The following OXR1 variants were observed in gnomAD, a reference collection of about 807,000 sequenced individuals.
The protein encoded by OXR1 is oxidation resistance protein 1.
OXR1 carries 41 observed loss-of-function variants against 104.6 expected under a neutral mutation model. The observed-to-expected ratio is 0.39, with a 90% CI of 0.31 to 0.51. The LOEUF is 0.51. OXR1 is among the 20% of genes least tolerant of loss of function. The pLI is 0.77. For synonymous variants in OXR1, 348 were observed against 348.4 expected (o/e 1.00, Z 0.01); for missense variants, 955 against 1,031.9 (o/e 0.93, Z 1.02).
intron 4 of OXR1, among the ~76,000 whole-genome samples, chr8:106,682,172 A>T (rs559607305): frequency 6.6e-6 from 1 of 152,224 alleles, no homozygotes; most frequent in South Asian, 2.1e-4. Flanking sequence ...TCTTTTGCAT[A>T]ACCTTTTCTA....
chr8:106,707,192 G>A, intron 9 of OXR1, 47 bp downstream of exon 9: 1 of 1,563,292 alleles, frequency 6.4e-7, no homozygotes, highest in Non-Finnish European at 8.8e-7. Flanking sequence ...ATTGTATGGT[G>A]TCTCCGTCTT....
chr8:106,586,929 A>G (rs965994253), intron 3 of OXR1, among the ~76,000 whole-genome samples: 1 of 152,200 alleles, frequency 6.6e-6, no homozygotes, highest in Non-Finnish European at 1.5e-5. Flanking sequence ...TAAAAAGAGC[A>G]TGGAAAGAGA....
rs1460613011 is a variant in OXR1 at position 106,752,665 on chromosome 8, AC to A, written c.*1726del. On this transcript the variant is annotated 3_prime_UTR_variant, in exon 17 of 17. Coordinates refer to ENST00000517566, the MANE Select transcript of OXR1 (RefSeq NM_001198533.2). ...CTAAAATAAGGTCATAGTGGCATAT[AC>A]CAAATAAAATCAAATACAGAAATAC... 4 of 152,544 alleles carry A rather than the reference AC, an allele frequency of 2.6e-5. No individual in the cohort carries two copies. Among genetic ancestry groups the A allele is most frequent in the Admixed American group, 2.6e-4 (4 of 15,274 alleles). The allele number at this position is 152,544 out of a possible 1,614,324, so 9.4% of individuals were successfully genotyped here. A position where few individuals can be genotyped will look rare whatever the true frequency, so the allele number is the denominator to read the frequency against.
intron 2 of OXR1, among the ~76,000 whole-genome samples, chr8:106,382,470 A>T (rs529146254): frequency 1.3e-5 from 2 of 152,112 alleles, no homozygotes; most frequent in Non-Finnish European, 2.9e-5. Context: ...CTTCACATAT[A>T]ACTAACATTG....
At chr8:106,650,317 A>G (rs1824456842) in intron 3 of OXR1, among the ~76,000 whole-genome samples, 1 of 152,228 alleles carries the variant, frequency 6.6e-6, no homozygotes, top group Non-Finnish European at 1.5e-5. Context: ...TTACGCTGCT[A>G]GTAAGTGGCA....
intron 2 of OXR1, among the ~76,000 whole-genome samples, chr8:106,370,768 G>A (rs1816673015): frequency 6.6e-6 from 1 of 152,120 alleles, no homozygotes; most frequent in South Asian, 2.1e-4. Context: ...TTGTGGATAA[G>A]TTTTTCCATG....
intron 11 of OXR1, among the ~76,000 whole-genome samples, chr8:106,722,319 A>T (rs1230712502): frequency 1.3e-5 from 2 of 152,166 alleles, no homozygotes; most frequent in Non-Finnish European, 2.9e-5. Context: ...GATAAAGGGA[A>T]TTTTTTTAAG....
At chr8:106,331,124 T>C (rs536799106) in intron 1 of OXR1, among the ~76,000 whole-genome samples, 1 of 152,362 alleles carries the variant, frequency 6.6e-6, no homozygotes, top group African/African-American at 2.4e-5. Flanking sequence ...CAAGACATGC[T>C]TCTTACTTGT....
chr8:106,528,740 G>A (rs899766767), intron 3 of OXR1, among the ~76,000 whole-genome samples: 1 of 152,178 alleles, frequency 6.6e-6, no homozygotes, highest in African/African-American at 2.4e-5. Flanking sequence ...AATCTTGCTA[G>A]AGGTGGCACA....
At chr8:106,591,831 C>A (rs1819118232) in intron 3 of OXR1, among the ~76,000 whole-genome samples, 1 of 152,240 alleles carries the variant, frequency 6.6e-6, no homozygotes, top group Non-Finnish European at 1.5e-5. Context: ...ATCCATTTCT[C>A]TGAAAACATC....
At chr8:106,470,964 G>A (rs987545806) in intron 2 of OXR1, among the ~76,000 whole-genome samples, 1 of 151,760 alleles carries the variant, frequency 6.6e-6, no homozygotes, top group Admixed American at 6.6e-5. Flanking sequence ...GGCAGTTTTG[G>A]TGGTATGGTA....
chr8:106,652,669 A>G (rs1338680402), intron 3 of OXR1, among the ~76,000 whole-genome samples: 1 of 151,638 alleles, frequency 6.6e-6, no homozygotes, highest in Non-Finnish European at 1.5e-5. Context: ...ATTTCAAATC[A>G]ATAGCCTAAC....
intron 3 of OXR1, among the ~76,000 whole-genome samples, chr8:106,622,760 T>G (rs1160958199): frequency 1.3e-5 from 2 of 152,238 alleles, no homozygotes; most frequent in Non-Finnish European, 2.9e-5. Flanking sequence ...CACTCTTCTC[T>G]GCTTTTTTTC....
intron 7 of OXR1, among the ~76,000 whole-genome samples, chr8:106,694,753 A>AGT (rs1563716628): frequency 1.8e-5 from 2 of 111,524 alleles, no homozygotes; most frequent in African/African-American, 7.1e-5. Context: ...TTTATATATT[A>AGT]ATATATATAT....
At chr8:106,353,681 T>C (rs1815835334) in intron 1 of OXR1, among the ~76,000 whole-genome samples, 1 of 152,176 alleles carries the variant, frequency 6.6e-6, no homozygotes, top group Non-Finnish European at 1.5e-5. Context: ...CATTGTGGAA[T>C]GGCTAAATCA....
intron 11 of OXR1, among the ~76,000 whole-genome samples, chr8:106,718,836 C>CT (rs1832550238): frequency 1.0e-5 from 1 of 96,422 alleles, no homozygotes; most frequent in African/African-American, 4.9e-5. Flanking sequence ...GAGACTCCAC[C>CT]TCAAAAAAAA....
rs776241368 is a variant in OXR1 at position 106,706,564 on chromosome 8, G to T, written c.1043G>T (p.Arg348Leu). 1.9e-6 allele frequency: 3 copies of T among 1,611,266 alleles called. No individual in the cohort carries two copies. Among genetic ancestry groups the T allele is most frequent in the Non-Finnish European group, 1.7e-6 (2 of 1,179,150 alleles). Residue 348 changes from arginine (R) to leucine (L), a missense_variant, in exon 9 of 17, where the codon CGA (arginine) becomes CTA (leucine). Transcript: ENST00000517566. ...ACAGAATCAGAACTTTCCCCTATAC[G>T]AGAGGAGCTTGTATCTTCAGATGAA... ...VFTESELSPIREELVSSDELR... is the reference protein window; with the variant it reads ...VFTESELSPILEELVSSDELR...
chr8:106,271,081 G>T lies in OXR1; in HGVS notation c.-139+714G>T, dbSNP rs765098346. On this transcript the variant is annotated intron_variant, in intron 1 of 16. Transcript: ENST00000517566. ...AGGGCCGACTGGAAAATCGCTGAGG[G>T]ATTTGGGTGAAGAGGGGGGGAGCTG... Among the ~76,000 whole-genome samples, 40 of 152,258 alleles carry T rather than the reference G, an allele frequency of 2.6e-4. 1 individual carries two copies. In the South Asian group the frequency reaches 4.1e-3, roughly 16 times the overall value.
intron 2 of OXR1, among the ~76,000 whole-genome samples, chr8:106,475,371 A>G (rs779009981): frequency 1.1e-4 from 16 of 151,988 alleles, no homozygotes; most frequent in Non-Finnish European, 1.2e-4. Flanking sequence ...AAGTGGATCA[A>G]CCTAAAGGTC....
Sources: gnomAD v4.1 joint callset for allele counts (sites outside exome capture counted in the v4.1 genomes callset) on GRCh38, gnomAD v4.1.1 for gene constraint, MANE v1.5 for transcripts, NCBI Gene and HGNC (gene_info 2026-07-23, HGNC 2026-07-21) for gene names.